PDE2A: variants seen among roughly 807,000 people sequenced by gnomAD.
PDE2A encodes cGMP-dependent 3',5'-cyclic phosphodiesterase.
A neutral mutation model predicts 133.6 loss-of-function variants in PDE2A; 53 were observed. The observed-to-expected ratio is 0.40, with a 90% CI of 0.32 to 0.50. The LOEUF is 0.50. PDE2A is among the 20% of genes least tolerant of loss of function. The pLI is 0.73. For synonymous variants in PDE2A, 491 were observed against 490.2 expected, an observed-to-expected ratio of 1.00 and a Z score of -0.02; for missense variants, 796 against 1,232.4, an observed-to-expected ratio of 0.65 and a Z score of 5.30.
At chr11:72,620,659 C>T (rs567576299) in intron 2 of PDE2A, among the ~76,000 whole-genome samples, 1 of 152,282 alleles carries the variant, frequency 6.6e-6, no homozygotes, top group South Asian at 2.1e-4. Flanking sequence ...CCACCCCCAC[C>T]CTCCCGACCG....
chr11:72,662,223 G>C (rs1408493881), intron 1 of PDE2A, among the ~76,000 whole-genome samples: 1 of 152,158 alleles, frequency 6.6e-6, no homozygotes, highest in Non-Finnish European at 1.5e-5. Flanking sequence ...CTTAGAGTGG[G>C]GCAGAAAGCT....
chr11:72,631,009 T>A, intron 2 of PDE2A: 1 of 1,300,858 alleles, frequency 7.7e-7, no homozygotes, highest in East Asian at 2.5e-5. Flanking sequence ...AGGGCACCAC[T>A]CAGACTGATC....
chr11:72,641,243 C>T (rs1210911432), intron 2 of PDE2A, among the ~76,000 whole-genome samples: 1 of 152,244 alleles, frequency 6.6e-6, no homozygotes, highest in Non-Finnish European at 1.5e-5. Context: ...CCCCCACCAC[C>T]TCAGATCCCT....
intron 2 of PDE2A, chr11:72,621,887 C>A (rs4944584): frequency 0.85 from 129,769 of 152,280 alleles, 55,975 homozygotes; most frequent in African/African-American, 0.94. Context: ...TTTGCTTTAA[C>A]ATATTTCAGC....
intron 18 of PDE2A, 89 bp from the exon 19 acceptor site, chr11:72,584,402 C>T: frequency 8.0e-7 from 1 of 1,248,268 alleles, no homozygotes; most frequent in Non-Finnish European, 1.2e-6. Context: ...CTCGCAGTTT[C>T]CGCAGGTTAC....
At chr11:72,618,209 C>G (rs1274247766) in intron 2 of PDE2A, among the ~76,000 whole-genome samples, 1 of 152,230 alleles carries the variant, frequency 6.6e-6, no homozygotes, top group East Asian at 1.9e-4. Flanking sequence ...GCTGCTCGCT[C>G]CCTCCATCCA....
intron 2 of PDE2A, among the ~76,000 whole-genome samples, chr11:72,617,728 G>A (rs1857543058): frequency 6.6e-6 from 1 of 152,212 alleles, no homozygotes; most frequent in African/African-American, 2.4e-5. Context: ...GCGGAGGCTG[G>A]AGAGGCAGGG....
At chr11:72,586,450 TCCTC>T (rs1023110833) in intron 13 of PDE2A, among the ~76,000 whole-genome samples, 81 of 152,216 alleles carry the variant, frequency 5.3e-4, no homozygotes, top group African/African-American at 1.9e-3. Flanking sequence ...AAGCTGGGTC[TCCTC>T]CCTCAGACTA....
chr11:72,577,988 T>C (rs980649929), intron 30 of PDE2A, among the ~76,000 whole-genome samples: 5 of 151,976 alleles, frequency 3.3e-5, no homozygotes, highest in South Asian at 4.2e-4. Flanking sequence ...AACAAGAACT[T>C]CCACAAGAAT....
intron 20 of PDE2A, 46 bp downstream of exon 20, chr11:72,583,392 C>A: frequency 7.5e-7 from 1 of 1,329,016 alleles, no homozygotes; most frequent in South Asian, 1.2e-5. Flanking sequence ...GGCCCTGGGT[C>A]CCCGGGGAAT....
chr11:72,671,600 T>G (rs1292097515), intron 1 of PDE2A, among the ~76,000 whole-genome samples: 2 of 151,316 alleles, frequency 1.3e-5, no homozygotes, highest in Non-Finnish European at 3.0e-5. Flanking sequence ...AGCTGCTTGG[T>G]GGGCAGGGGG....
chr11:72,674,332 C>T lies in PDE2A; in HGVS notation c.-125G>A, dbSNP rs1366896242. 2 of 918,726 alleles carry T rather than the reference C, an allele frequency of 2.2e-6. No individual in the cohort carries two copies. The highest frequency in any genetic ancestry group is 3.3e-5 in the African/African-American group (2 of 60,934). 56.9% of individuals were successfully genotyped at this position (918,726 alleles called of 1,614,324 possible). On this transcript the variant is annotated 5_prime_UTR_variant, in exon 1 of 31. Transcript: ENST00000334456. ...ACCAAGAGCAGTGGGCTGCCCCCTA[C>T]TCAGCCTGGACTCAACACCCCAATC...
intron 2 of PDE2A, among the ~76,000 whole-genome samples, chr11:72,618,721 G>A (rs772568733): frequency 7.9e-5 from 12 of 152,170 alleles, no homozygotes; most frequent in Non-Finnish European, 1.5e-4. Flanking sequence ...TTTTTCAGAT[G>A]AGAGAGCCAA....
At chr11:72,584,468 G>T (rs750406943) in intron 18 of PDE2A, 83 bp downstream of exon 18, 1 of 1,449,174 alleles carries the variant, frequency 6.9e-7, no homozygotes, top group South Asian at 1.2e-5. Context: ...TGGAGGCGGT[G>T]GGGAAGTGTT....
At position 72,586,134 on chromosome 11, in the gene PDE2A, G is replaced by A; in HGVS notation, c.1118C>T (p.Thr373Ile). ...EHVIQHCFHY[T>I]STVLTSTLAF... The stretch of plus-strand genomic sequence containing the variant: ...CAGGGTGCTGGTGAGCACGGTGCTG[G>A]TGTAGTGGAAGCAGTGCTGGATCAC... Residue 373 changes from threonine to isoleucine, a missense_variant, in exon 14 of 31, where the codon ACC becomes ATC. This residue lies in a region of PDE2A where 31 missense variants were observed against 70.2 expected (regional missense o/e 0.44). Coordinates refer to ENST00000334456, the MANE Select transcript of PDE2A (RefSeq NM_002599.5). 5 of 1,613,280 alleles carry A rather than the reference G, an allele frequency of 3.1e-6. No individual in the cohort carries two copies. The highest frequency in any genetic ancestry group is 4.2e-6 in the Non-Finnish European group (5 of 1,179,616).
chr11:72,671,501 C>A (rs1354284938), intron 1 of PDE2A, among the ~76,000 whole-genome samples: 1 of 152,058 alleles, frequency 6.6e-6, no homozygotes, highest in African/African-American at 2.4e-5. Flanking sequence ...CCCCCGCCCC[C>A]ACCCCCCACC....
intron 2 of PDE2A, among the ~76,000 whole-genome samples, chr11:72,620,725 A>C (rs778374715): frequency 1.2e-4 from 18 of 152,032 alleles, no homozygotes; most frequent in Non-Finnish European, 2.5e-4. Context: ...TTCTTGAGCA[A>C]ATTGCATTGG....
At chr11:72,625,059 G>A (rs534648768) in intron 2 of PDE2A, among the ~76,000 whole-genome samples, 1 of 152,176 alleles carries the variant, frequency 6.6e-6, no homozygotes, top group African/African-American at 2.4e-5. Flanking sequence ...GTTGTGCTCA[G>A]AGTCCTCAGC....
At chr11:72,642,104 C>A (rs1257005354) in intron 2 of PDE2A, 150 bp downstream of exon 2, 14 of 1,175,710 alleles carry the variant, frequency 1.2e-5, no homozygotes, top group Middle Eastern at 6.2e-4. Flanking sequence ...TTCAAGGGCT[C>A]TTGGTCTGCG....
Sources: gnomAD v4.1 joint callset for allele counts (sites outside exome capture counted in the v4.1 genomes callset) on GRCh38, gnomAD v4.1.1 for gene constraint, gnomAD v4.1.1 regional missense constraint, MANE v1.5 for transcripts, NCBI Gene and HGNC (gene_info 2026-07-23, HGNC 2026-07-21) for gene names.